The following ANO6 variants were observed in gnomAD, a reference collection of about 807,000 sequenced individuals.
ANO6 encodes anoctamin 6, also known as anoctamin-6.
In ANO6, 106 loss-of-function variants were observed where a neutral mutation model predicts 117.5. That is an observed-to-expected ratio of 0.90 (90% CI 0.77 to 1.06). ANO6 has a LOEUF of 1.06. Ranked by LOEUF, ANO6 falls within the 50% of genes least tolerant of loss-of-function variation. ANO6 has a pLI of 0.00. For synonymous variants in ANO6, 367 were observed against 385.1 expected, an observed-to-expected ratio of 0.95 and a Z score of 0.55; for missense variants, 955 against 1,121.1, an observed-to-expected ratio of 0.85 and a Z score of 2.12.
intron 1 of ANO6, among the ~76,000 whole-genome samples, chr12:45,267,878 T>C (rs1190423924): frequency 2.0e-5 from 3 of 152,158 alleles, no homozygotes; most frequent in African/African-American, 7.2e-5. Context: ...ACTTATTTAG[T>C]GCCTATTATT....
chr12:45,244,918 A>C (rs1167027224), intron 1 of ANO6, among the ~76,000 whole-genome samples: 1 of 152,236 alleles, frequency 6.6e-6, no homozygotes, highest in African/African-American at 2.4e-5. Context: ...GGCCTGAACA[A>C]TTAATGCGGT....
At chr12:45,254,364 G>A (rs1457713629) in intron 1 of ANO6, among the ~76,000 whole-genome samples, 1 of 152,176 alleles carries the variant, frequency 6.6e-6, no homozygotes, top group African/African-American at 2.4e-5. Flanking sequence ...AGGAGGATGG[G>A]GATGTTGTGG....
At chr12:45,240,351 A>ATTATTT in intron 1 of ANO6, among the ~76,000 whole-genome samples, 1 of 30,700 alleles carries the variant, frequency 3.3e-5, no homozygotes, top group Non-Finnish European at 8.7e-5. Context: ...GCAACCCCTG[A>ATTATTT]TTTTTTTTTT....
chr12:45,365,172 C>T (rs949475049), intron 8 of ANO6, among the ~76,000 whole-genome samples: 4 of 152,176 alleles, frequency 2.6e-5, no homozygotes, highest in East Asian at 1.9e-4. Flanking sequence ...ATGTGTTTAA[C>T]GCTCCAGCAG....
At chr12:45,257,669 C>T (rs1937883861) in intron 1 of ANO6, among the ~76,000 whole-genome samples, 3 of 152,200 alleles carry the variant, frequency 2.0e-5, no homozygotes, top group South Asian at 4.1e-4. Context: ...GTTCTAGGCT[C>T]TTGTGTCTCA....
chr12:45,416,630 A>C, intron 16 of ANO6, 69 bp from the exon 17 acceptor site: 1 of 1,497,750 alleles, frequency 6.7e-7, no homozygotes, highest in South Asian at 1.2e-5. Flanking sequence ...TTCTCTTTCA[A>C]GAGTAAAGGA....
In ANO6 at chr12:45,348,220, G is replaced by T. The variant is rs1422575811; in HGVS notation, c.538G>T (p.Glu180Ter). 1.2e-6 allele frequency: 2 copies of T among 1,614,022 alleles called. No individual in the cohort carries two copies. Among genetic ancestry groups the T allele is most frequent in the Admixed American group, 3.3e-5 (2 of 59,994 alleles). ...VDESIIKPEQEFFTAPFEKNR... is the reference protein window; with the variant it reads ...VDESIIKPEQ ...CGAAAGCATCATCAAGCCAGAGCAAGAGTTTTTCACTGCCCCATTTGAGAA... is the reference window on the plus strand; with the variant it reads ...CGAAAGCATCATCAAGCCAGAGCAATAGTTTTTCACTGCCCCATTTGAGAA... Residue 180 changes from glutamate (E) to a stop codon, truncating the protein, a stop_gained, in exon 5 of 20, where the codon GAG (glutamate) becomes TAG (stop). Transcript: ENST00000320560. LOFTEE classifies it high-confidence loss of function.
chr12:45,356,780 G>A (rs1489855511), intron 7 of ANO6, among the ~76,000 whole-genome samples: 3 of 151,676 alleles, frequency 2.0e-5, no homozygotes, highest in Non-Finnish European at 2.9e-5. Flanking sequence ...ATCTTTTATT[G>A]AAAAAAAATC....
rs1240164525 is a variant in ANO6, at chr12:45,388,247, G to A, written c.1252G>A (p.Ala418Thr). Reference sequence around the variant, plus strand: ...TGTTGAGTTACAGCAGGAAGAACAAGCCCGACCAGAATACGAAGCACGATG... The same window carrying A: ...TGTTGAGTTACAGCAGGAAGAACAAACCCGACCAGAATACGAAGCACGATG... Reference protein sequence around the residue: ...DTVELQQEEQARPEYEARCTH... With the variant: ...DTVELQQEEQTRPEYEARCTH... Residue 418 changes from alanine to threonine, a missense_variant, in exon 11 of 20, where the codon GCC becomes ACC. Physicochemically the swap from Ala to Thr is moderately conservative, Grantham distance 58 (BLOSUM62 0). Coordinates refer to ENST00000320560, the MANE Select transcript of ANO6 (RefSeq NM_001025356.3). The A allele has an allele frequency of 4.3e-6, 7 of 1,614,106 alleles. No individual in the cohort carries two copies. In the East Asian group the frequency reaches 8.9e-5, roughly 21 times the overall value.
At chr12:45,390,540 T>TCAAATCTG (rs773223225) in intron 12 of ANO6, 42 bp downstream of exon 12, 4 of 1,548,934 alleles carry the variant, frequency 2.6e-6, no homozygotes, top group Non-Finnish European at 3.6e-6. Flanking sequence ...TAAAAATGTT[T>TCAAATCTG]TTATTATGTA....
intron 17 of ANO6, among the ~76,000 whole-genome samples, chr12:45,418,862 C>T (rs1943280779): frequency 1.3e-5 from 2 of 152,212 alleles, no homozygotes; most frequent in Non-Finnish European, 2.9e-5. Context: ...AAACTATGGG[C>T]AATCCCTTTT....
intron 12 of ANO6, among the ~76,000 whole-genome samples, chr12:45,399,443 C>T (rs1416523848): frequency 1.3e-5 from 2 of 152,050 alleles, no homozygotes; most frequent in Admixed American, 1.3e-4. Flanking sequence ...ATCTGCCCGC[C>T]GCAGCCCCTC....
chr12:45,228,931 C>G (rs1257845319), intron 1 of ANO6, among the ~76,000 whole-genome samples: 1 of 152,080 alleles, frequency 6.6e-6, no homozygotes, highest in African/African-American at 2.4e-5. Context: ...CCCTCATATC[C>G]CTGCACAGTC....
intron 2 of ANO6, among the ~76,000 whole-genome samples, chr12:45,308,047 A>AATTTTTTTTTTTTTTT (rs1939728493): frequency 5.6e-5 from 1 of 17,910 alleles, no homozygotes; most frequent in African/African-American, 9.7e-5. Flanking sequence ...GTGTGTGTGT[A>AATTTTTTTTTTTTTTT]ATTTTTTTTT....
intron 8 of ANO6, among the ~76,000 whole-genome samples, chr12:45,361,364 G>T (rs1272029021): frequency 1.3e-5 from 2 of 151,962 alleles, no homozygotes; most frequent in African/African-American, 4.8e-5. Flanking sequence ...AAATGTAATT[G>T]CTTTTTTGTA....
chr12:45,363,540 G>A (rs1358613463), intron 8 of ANO6, among the ~76,000 whole-genome samples: 1 of 151,602 alleles, frequency 6.6e-6, no homozygotes, highest in Non-Finnish European at 1.5e-5. Context: ...CTCCAGCCTG[G>A]GCAACAGAGT....
intron 2 of ANO6, among the ~76,000 whole-genome samples, chr12:45,315,523 A>G (rs1939995148): frequency 1.3e-5 from 2 of 152,078 alleles, no homozygotes; most frequent in South Asian, 4.2e-4. Flanking sequence ...TATGTCACCC[A>G]AGCACTTCCT....
At chr12:45,383,485 A>G (rs1449361499) in intron 10 of ANO6, 2 of 152,230 alleles carry the variant, frequency 1.3e-5, no homozygotes, top group African/African-American at 4.8e-5. Flanking sequence ...TTTTGCCAAC[A>G]TCTAGCCAAA....
intron 12 of ANO6, among the ~76,000 whole-genome samples, chr12:45,400,119 T>A (rs1000317950): frequency 6.6e-6 from 1 of 152,148 alleles, no homozygotes; most frequent in African/African-American, 2.4e-5. Context: ...CTTGGACATA[T>A]TGCTTAATGT....
Sources: gnomAD v4.1 joint callset for allele counts (sites outside exome capture counted in the v4.1 genomes callset) on GRCh38, gnomAD v4.1.1 for gene constraint, MANE v1.5 for transcripts, NCBI Gene and HGNC (gene_info 2026-07-23, HGNC 2026-07-21) for gene names.